Variants in CRB1 observed in about 807,000 individuals in gnomAD.
CRB1 encodes protein crumbs homolog 1.
CRB1 carries 83 observed loss-of-function variants against 120.0 expected under a neutral mutation model. That is an observed-to-expected ratio of 0.69 (90% CI 0.58 to 0.83). The LOEUF is 0.83. Ranked by LOEUF, CRB1 falls within the 40% of genes least tolerant of loss-of-function variation. The pLI, the probability that CRB1 is intolerant of heterozygous loss-of-function variation, is 0.00. For missense variants in CRB1, 1,699 were observed against 1,687.6 expected (o/e 1.01, Z -0.12); for synonymous variants, 625 against 612.5 (o/e 1.02, Z -0.30).
At chr1:197,384,965 G>C (rs77538643) in intron 5 of CRB1, among the ~76,000 whole-genome samples, 1 of 152,116 alleles carries the variant, frequency 6.6e-6, no homozygotes, top group Admixed American at 6.6e-5. Context: ...TTAATAAAAC[G>C]AGACTTGCTC....
intron 11 of CRB1, among the ~76,000 whole-genome samples, chr1:197,452,453 T>A (rs1056803032): frequency 2.0e-5 from 3 of 152,158 alleles, no homozygotes; most frequent in Non-Finnish European, 2.9e-5. Flanking sequence ...TCTTAGAGGA[T>A]GTAGGAGACA....
chr1:197,444,607 C>G (rs1665612170), intron 11 of CRB1: 1 of 152,194 alleles, frequency 6.6e-6, no homozygotes, highest in African/African-American at 2.4e-5. Flanking sequence ...AAGAAATATT[C>G]ACTCACAATT....
At chr1:197,269,844 C>A (rs1009892479) in intron 1 of CRB1, among the ~76,000 whole-genome samples, 3 of 151,960 alleles carry the variant, frequency 2.0e-5, no homozygotes, top group African/African-American at 7.3e-5. Flanking sequence ...AAATATATAT[C>A]ATTTGTTTTT....
the CRB1 span, among the ~76,000 whole-genome samples, chr1:197,254,929 G>T: frequency 6.6e-6 from 1 of 152,006 alleles, no homozygotes; most frequent in Non-Finnish European, 1.5e-5. Context: ...CTTCAACAGG[G>T]TCTAATTTTT....
chr1:197,263,816 T>C (rs1364296174), upstream of CRB1, among the ~76,000 whole-genome samples: 7 of 152,142 alleles, frequency 4.6e-5, no homozygotes, highest in Admixed American at 4.6e-4. Context: ...CTGTTTAGTA[T>C]ATTGTAGTGT....
the CRB1 span, among the ~76,000 whole-genome samples, chr1:197,248,038 TA>T: frequency 2.0e-5 from 3 of 152,044 alleles, no homozygotes; most frequent in African/African-American, 7.2e-5. Flanking sequence ...CTAAAATGAT[TA>T]ATACATTAAA....
intron 1 of CRB1, among the ~76,000 whole-genome samples, chr1:197,323,716 T>A (rs2125295172): frequency 6.6e-6 from 1 of 152,276 alleles, no homozygotes; most frequent in Non-Finnish European, 1.5e-5. Flanking sequence ...GGGCAGGGCA[T>A]CTTCTATGAG....
intron 5 of CRB1, among the ~76,000 whole-genome samples, chr1:197,391,603 G>A (rs1662510560): frequency 6.6e-6 from 1 of 152,054 alleles, no homozygotes; most frequent in African/African-American, 2.4e-5. Flanking sequence ...CACAGTGGCA[G>A]GCATCTTTAC....
chr1:197,203,116 TTGATCATC>T, the CRB1 span, among the ~76,000 whole-genome samples: 2 of 152,140 alleles, frequency 1.3e-5, no homozygotes, highest in Non-Finnish European at 2.9e-5. Flanking sequence ...ATGAAAACCA[TTGATCATC>T]TCAATAGATG....
chr1:197,296,556 A>G (rs1656533098), intron 1 of CRB1, among the ~76,000 whole-genome samples: 1 of 152,144 alleles, frequency 6.6e-6, no homozygotes. Flanking sequence ...TTCAGAACTA[A>G]AGTGAAGTGA....
At chr1:197,228,298 C>A in the CRB1 span, among the ~76,000 whole-genome samples, 1 of 152,160 alleles carries the variant, frequency 6.6e-6, no homozygotes, top group Non-Finnish European at 1.5e-5. Context: ...CTTTTATGCT[C>A]TTTTTCGCTT....
chr1:197,434,557 A>T, intron 8 of CRB1, 149 bp from the exon 9 acceptor site: 1 of 666,956 alleles, frequency 1.5e-6, no homozygotes. Flanking sequence ...TATTAGAAAT[A>T]ATATAAAAGC....
chr1:197,328,322 T>C, intron 1 of CRB1, 100 bp from the exon 2 acceptor site: 1 of 889,588 alleles, frequency 1.1e-6, no homozygotes, highest in Non-Finnish European at 1.8e-6. Context: ...ATGTATTTTA[T>C]TAATGAGTTT....
intron 5 of CRB1, among the ~76,000 whole-genome samples, chr1:197,419,602 A>G (rs1664182075): frequency 6.6e-6 from 1 of 152,020 alleles, no homozygotes; most frequent in Non-Finnish European, 1.5e-5. Context: ...GCCTTAAGCA[A>G]TCCACCCAGC....
chr1:197,386,573 A>G (rs1053151609), intron 5 of CRB1, among the ~76,000 whole-genome samples: 6 of 152,182 alleles, frequency 3.9e-5, no homozygotes, highest in Non-Finnish European at 8.8e-5. Context: ...TGGAAGTTGC[A>G]TTAATTCATT....
chr1:197,355,760 C>T (rs1479882333), intron 4 of CRB1, among the ~76,000 whole-genome samples: 1 of 152,140 alleles, frequency 6.6e-6, no homozygotes, highest in Non-Finnish European at 1.5e-5. Context: ...GCCTCGGTTC[C>T]CACACACATC....
intron 4 of CRB1, among the ~76,000 whole-genome samples, chr1:197,352,970 C>T (rs1257560849): frequency 6.6e-6 from 1 of 152,126 alleles, no homozygotes; most frequent in South Asian, 2.1e-4. Flanking sequence ...TTGAGTAGTA[C>T]TAGTGATTGA....
At chr1:197,376,390 A>G (rs974698844) in intron 5 of CRB1, among the ~76,000 whole-genome samples, 2 of 152,238 alleles carry the variant, frequency 1.3e-5, no homozygotes, top group African/African-American at 2.4e-5. Context: ...AAAGAAAAAA[A>G]TTAAGCTAAA....
At chr1:197,374,760 A>G (rs1398619965) in intron 5 of CRB1, among the ~76,000 whole-genome samples, 1 of 152,208 alleles carries the variant, frequency 6.6e-6, no homozygotes, top group Admixed American at 6.5e-5. Context: ...TCTATATTGA[A>G]TTGAAATGAT....
Sources: allele counts gnomAD v4.1 joint callset (sites outside exome capture counted in the v4.1 genomes callset), GRCh38; gene constraint gnomAD v4.1.1; transcripts MANE v1.5; gene names NCBI Gene and HGNC (gene_info 2026-07-23, HGNC 2026-07-21).